The following MYT1 variants were observed in gnomAD, a reference collection of about 807,000 sequenced individuals.
The protein encoded by MYT1 is myelin transcription factor I.
A neutral mutation model predicts 123.0 loss-of-function variants in MYT1; 23 were observed. That is an observed-to-expected ratio of 0.19 (90% CI 0.13 to 0.26). The LOEUF is 0.26. Among genes scored for constraint, MYT1 ranks in the 10% least tolerant of loss-of-function variants. The pLI, the probability that MYT1 is intolerant of heterozygous loss-of-function variation, is 1.00. For synonymous variants in MYT1, 518 were observed against 575.3 expected (o/e 0.90, Z 1.43); for missense variants, 1,125 against 1,472.5 (o/e 0.76, Z 3.86).
rs1234096593 is a variant in MYT1 at position 64,213,227 on chromosome 20, G to A, written c.1518-307G>A. On this transcript the variant is annotated intron_variant, in intron 9 of 22. Transcript: ENST00000328439. The surrounding 1 kb of genome is among the most constrained non-coding windows in gnomAD (Gnocchi z 5.6). Reference sequence around the variant, plus strand: ...CTGTCTCCCAGACCCATGCAGAGGAGGCATCTTTGCCCAGAGCTTTCAAGG... The same window carrying A: ...CTGTCTCCCAGACCCATGCAGAGGAAGCATCTTTGCCCAGAGCTTTCAAGG... 6.6e-6 allele frequency among the ~76,000 whole-genome samples: 1 copy of A among 152,140 alleles called. No individual in the cohort carries two copies. The highest frequency in any genetic ancestry group is 1.5e-5 in the Non-Finnish European group (1 of 68,030).
At position 64,213,435 on chromosome 20, in the gene MYT1, C is replaced by A; in HGVS notation, c.1518-99C>A. ...TGGAGTTCACCTGGAGTTCTCACAT[C>A]TGAATGACCTTGCCGTGAGACACCC... is the stretch of plus-strand genomic sequence containing the variant. On this transcript the variant is annotated intron_variant, in intron 9 of 22. Coordinates refer to ENST00000328439, the MANE Select transcript of MYT1 (RefSeq NM_004535.3). This position sits in a 1 kb window ranked among gnomAD's most constrained non-coding sequence, Gnocchi z 5.6. The A allele has an allele frequency of 1.2e-6, 1 of 854,936 alleles. No individual in the cohort carries two copies. Among genetic ancestry groups the A allele is most frequent in the Non-Finnish European group, 1.9e-6 (1 of 526,220 alleles). The allele number at this position is 854,936 out of a possible 1,614,324, so 53.0% of individuals were successfully genotyped here.
At chr20:64,211,908 G>A in intron 8 of MYT1, 140 bp from the exon 9 acceptor site, 1 of 703,720 alleles carries the variant, frequency 1.4e-6, no homozygotes, top group Non-Finnish European at 2.5e-6. Flanking sequence ...GCCCTGCGTT[G>A]CTGTGTCCCC....
chr20:64,200,829 G>A (rs1252086360), intron 4 of MYT1, among the ~76,000 whole-genome samples: 4 of 152,182 alleles, frequency 2.6e-5, no homozygotes, highest in Admixed American at 2.6e-4. Flanking sequence ...GGGAGGGGTG[G>A]GGTGGAAGCT....
chr20:64,222,464 G>A (rs2247978), intron 14 of MYT1, among the ~76,000 whole-genome samples: 94,210 of 152,174 alleles, frequency 0.62, 31,226 homozygotes, highest in African/African-American at 0.84. Context: ...CTGCCTTAGG[G>A]CTCACCACCC....
chr20:64,173,006 G>A (rs1982332897), intron 1 of MYT1, among the ~76,000 whole-genome samples: 1 of 152,126 alleles, frequency 6.6e-6, no homozygotes, highest in Non-Finnish European at 1.5e-5. Flanking sequence ...TAGGATTACA[G>A]GCTTGAGCCA....
At chr20:64,237,518 G>A in intron 21 of MYT1, 128 bp downstream of exon 21, 1 of 701,270 alleles carries the variant, frequency 1.4e-6, no homozygotes. Flanking sequence ...GGACAGCGCA[G>A]TGGCTGGCAC....
chr20:64,180,893 T>C (rs1982635657), intron 1 of MYT1, among the ~76,000 whole-genome samples: 1 of 152,250 alleles, frequency 6.6e-6, no homozygotes, highest in East Asian at 1.9e-4. Context: ...TGCACCTCCC[T>C]GCCCTCGCTT....
In MYT1 at chr20:64,221,998, A is replaced by T; in HGVS notation, c.2347A>T (p.Asn783Tyr). 6.2e-7 allele frequency: 1 copy of T among 1,613,516 alleles called. No homozygotes were observed. Residue 783 changes from asparagine to tyrosine, a missense_variant, in exon 14 of 23, where the codon AAC becomes TAC. By Grantham distance (143) the Asn-to-Tyr change is moderately radical. Coordinates refer to ENST00000328439, the MANE Select transcript of MYT1 (RefSeq NM_004535.3). ...GTATCCGGGGGAAGTCACCCTGACC[A>T]ACTTTAAGCTGAAGTTTCTCTCCAA... ...RKYPGEVTLT[N>Y]FKLKFLSKDI...
At chr20:64,169,625 G>A (rs904266425) in intron 1 of MYT1, among the ~76,000 whole-genome samples, 4 of 152,180 alleles carry the variant, frequency 2.6e-5, no homozygotes, top group Admixed American at 6.5e-5. Flanking sequence ...TCAGTCGCTC[G>A]TCAGCATGTG....
At chr20:64,214,220 C>T (rs575185960) in intron 10 of MYT1, among the ~76,000 whole-genome samples, 19 of 152,010 alleles carry the variant, frequency 1.2e-4, no homozygotes, top group East Asian at 9.7e-4. Flanking sequence ...CATGTGGGAG[C>T]GTGTGTGTGC....
At chr20:64,228,878 G>A (rs1208695212) in intron 18 of MYT1, among the ~76,000 whole-genome samples, 2 of 152,202 alleles carry the variant, frequency 1.3e-5, no homozygotes, top group Admixed American at 6.5e-5. Context: ...GTTAGGGGCC[G>A]GCTCGGTCGG....
intron 17 of MYT1, 46 bp from the exon 18 acceptor site, chr20:64,227,842 T>C: frequency 6.5e-7 from 1 of 1,543,512 alleles, no homozygotes; most frequent in Non-Finnish European, 8.9e-7. Flanking sequence ...TGTGAGAAGC[T>C]GCGGTTCCAG....
chr20:64,204,660 A>G (rs542879032), intron 4 of MYT1, among the ~76,000 whole-genome samples: 33 of 152,296 alleles, frequency 2.2e-4, no homozygotes, highest in African/African-American at 7.7e-4. Flanking sequence ...GAGAATGCCA[A>G]CTTCTGTGCT....
Position 64,204,143 on chromosome 20 carries a change from A to C in MYT1, c.87-892A>C, listed in dbSNP as rs1325785468. Among the ~76,000 whole-genome samples, 3 of 151,860 alleles carry C rather than the reference A, an allele frequency of 2.0e-5. No individual in the cohort carries two copies. The East Asian group carries it at 5.8e-4, about 29-fold the overall frequency. On this transcript the variant is annotated intron_variant, in intron 4 of 22. Transcript: ENST00000328439. ...GATACATGGTGAACTCTGGCCTTACACTCCACACTGGCCCCTTTGTGCCTG... is the reference window on the plus strand; with the variant it reads ...GATACATGGTGAACTCTGGCCTTACCCTCCACACTGGCCCCTTTGTGCCTG...
intron 10 of MYT1, 51 bp from the exon 11 acceptor site, chr20:64,217,016 G>C: frequency 1.9e-6 from 3 of 1,560,690 alleles, no homozygotes; most frequent in Non-Finnish European, 2.6e-6. Context: ...GGGTGGCACG[G>C]GATCCCCAGG....
At chr20:64,215,838 A>T (rs1601717364) in intron 10 of MYT1, among the ~76,000 whole-genome samples, 1 of 151,358 alleles carries the variant, frequency 6.6e-6, no homozygotes, top group Non-Finnish European at 1.5e-5. Context: ...GCTTCAACAG[A>T]CCTGCCTTGG....
chr20:64,199,832 G>T, intron 3 of MYT1, 60 bp from the exon 4 acceptor site: 1 of 1,569,832 alleles, frequency 6.4e-7, no homozygotes, highest in East Asian at 2.2e-5. Flanking sequence ...TGCTGTTAGG[G>T]CAATGAGCCT....
chr20:64,190,043 G>A lies in MYT1; in HGVS notation c.-98-20G>A, dbSNP rs981639282. 2 of 152,698 alleles carry A rather than the reference G, an allele frequency of 1.3e-5. No homozygotes were observed. The highest frequency in any genetic ancestry group is 4.8e-5 in the African/African-American group (2 of 41,468). 9.5% of individuals were successfully genotyped at this position (152,698 alleles called of 1,614,324 possible). On this transcript the variant is annotated intron_variant, in intron 1 of 22. Coordinates refer to ENST00000328439, the MANE Select transcript of MYT1 (RefSeq NM_004535.3). The surrounding 1 kb of genome is among the most constrained non-coding windows in gnomAD (Gnocchi z 4.1). ...CACCAAGCTTTCCTTTTCTGACCTT[G>A]AACCTTTTTAAACCCTCAGAAAATG...
chr20:64,201,712 G>A (rs1319129696), intron 4 of MYT1, among the ~76,000 whole-genome samples: 1 of 152,216 alleles, frequency 6.6e-6, no homozygotes, highest in Non-Finnish European at 1.5e-5. Flanking sequence ...AGCACACGCT[G>A]GGCTCTGACC....
Sources: allele counts gnomAD v4.1 joint callset (sites outside exome capture counted in the v4.1 genomes callset), GRCh38; gene constraint gnomAD v4.1.1; non-coding constraint Gnocchi (gnomAD v3.1); transcripts MANE v1.5; gene names NCBI Gene and HGNC (gene_info 2026-07-23, HGNC 2026-07-21).